Variants in DNMT1 observed in about 807,000 individuals in gnomAD.
DNMT1 encodes the protein DNA (cytosine-5)-methyltransferase 1.
Under a neutral mutation model 205.3 loss-of-function variants are expected in DNMT1, and 24 were observed. The ratio of observed to expected loss-of-function variants is 0.12; its 90% CI spans 0.08 to 0.16. The LOEUF is 0.16. Among genes scored for constraint, DNMT1 ranks in the 10% least tolerant of loss-of-function variants. DNMT1 has a pLI of 1.00. For synonymous variants in DNMT1, 817 were observed against 839.8 expected (o/e 0.97, Z 0.47); for missense variants, 1,293 against 2,177.7 (o/e 0.59, Z 8.09).
In DNMT1 at chr19:10,140,017, G is replaced by A; in HGVS notation, c.3806+29C>T. On this transcript the variant is annotated intron_variant, in intron 33 of 40. Coordinates refer to ENST00000359526, the MANE Select transcript of DNMT1 (RefSeq NM_001130823.3). This position sits in a 1 kb window ranked among gnomAD's most constrained non-coding sequence, Gnocchi z 8.4. ...ATGCGGCACAGCCCCGGGCCGTCTG[G>A]CAACACTGGGGGGCTTCTACCCGTT... is the stretch of plus-strand genomic sequence containing the variant. 1 of 1,604,128 alleles carries A rather than the reference G, an allele frequency of 6.2e-7. No individual in the cohort carries two copies. Among genetic ancestry groups the A allele is most frequent in the Non-Finnish European group, 8.5e-7 (1 of 1,179,986 alleles).
intron 6 of DNMT1, 65 bp from the exon 7 acceptor site, chr19:10,175,683 T>C: frequency 6.8e-7 from 1 of 1,464,782 alleles, no homozygotes. Flanking sequence ...TGGCCTGAAG[T>C]GGACCCTCAT....
In DNMT1 at chr19:10,143,909, T is replaced by C. The variant is rs2089650057; in HGVS notation, c.2973A>G (p.Lys991=). 1.2e-6 allele frequency: 2 copies of C among 1,614,042 alleles called. No homozygotes were observed. ...TGCTGCCTTTGATGTAGTCGGAGTA[T>C]TTCCGGTAGTGCTCTGGGTACAGGT... is the stretch of plus-strand genomic sequence containing the variant. The part of the protein sequence containing the change: ...DEDLYPEHYR[K]YSDYIKGSNL... The change falls in exon 29 of 41, where the codon AAA becomes AAG. Residue 991 remains lysine (K), a synonymous_variant. Transcript: ENST00000359526.
In DNMT1 at chr19:10,138,816, A is replaced by G. The variant is rs552582545; in HGVS notation, c.3949-211T>C. Among the ~76,000 whole-genome samples the G allele has an allele frequency of 1.3e-5, 2 of 152,356 alleles. No individual in the cohort carries two copies. Among genetic ancestry groups the G allele is most frequent in the East Asian group, 1.9e-4 (1 of 5,186 alleles). ...ACAAAAGCAGCTGAGCCCAGGGGAC[A>G]GCCACTGGGGAAGGTGGGAGCAAAC... On this transcript the variant is annotated intron_variant, in intron 34 of 40. Transcript: ENST00000359526. The surrounding 1 kb of genome is among the most constrained non-coding windows in gnomAD (Gnocchi z 4.1).
chr19:10,148,096 ACAAAAGCGAAACTCTGTCT>A (rs1233747407), intron 27 of DNMT1, among the ~76,000 whole-genome samples: 1 of 145,796 alleles, frequency 6.9e-6, no homozygotes, highest in African/African-American at 2.5e-5. Flanking sequence ...AGCCTGGGCA[ACAAAAGCGAAACTCTGTCT>A]CAAAAAAAAA....
intron 27 of DNMT1, among the ~76,000 whole-genome samples, chr19:10,147,192 G>A (rs1041583019): frequency 6.6e-6 from 1 of 152,132 alleles, no homozygotes; most frequent in African/African-American, 2.4e-5. Flanking sequence ...AGCCCAGCAG[G>A]TCGAGGCTAC....
intron 3 of DNMT1, 49 bp from the exon 4 acceptor site, chr19:10,180,618 C>CAGAA (rs779851615): frequency 6.3e-7 from 1 of 1,586,630 alleles, no homozygotes; most frequent in Non-Finnish European, 8.7e-7. Flanking sequence ...AAACAAGTGT[C>CAGAA]AGAGAACAAG....
At chr19:10,175,515 C>T (rs1476199963) in intron 7 of DNMT1, 25 bp downstream of exon 7, 1 of 1,613,508 alleles carries the variant, frequency 6.2e-7, no homozygotes, top group East Asian at 2.2e-5. Flanking sequence ...AAGGTAGAGT[C>T]AGGAAATGAA....
chr19:10,194,876 G>A lies in DNMT1; in HGVS notation c.24C>T (p.Ala8=). MPARTAP[A]RVPTLAVPAI... ...CCGGGACGGCCAGTGTGGGCACCCG[G>A]GCTGGGGCGGTACGCGCCGGCATCT... is the stretch of plus-strand genomic sequence containing the variant. The change falls in exon 1 of 41, where the codon GCC becomes GCT. Residue 8 remains alanine, a synonymous_variant. Transcript: ENST00000359526. 6.2e-7 allele frequency: 1 copy of A among 1,610,620 alleles called. No homozygotes were observed. Among genetic ancestry groups the A allele is most frequent in the Non-Finnish European group, 8.5e-7 (1 of 1,178,874 alleles).
intron 9 of DNMT1, among the ~76,000 whole-genome samples, chr19:10,171,057 C>T (rs111801529): frequency 0.11 from 16,817 of 152,048 alleles, 1,363 homozygotes; most frequent in East Asian, 0.4. Flanking sequence ...ATCCACCCAC[C>T]TCGGCCTCCC....
In DNMT1 at chr19:10,138,740, G is replaced by A. The variant is rs570801158; in HGVS notation, c.3949-135C>T. On this transcript the variant is annotated intron_variant, in intron 34 of 40. Coordinates refer to ENST00000359526, the MANE Select transcript of DNMT1 (RefSeq NM_001130823.3). The surrounding 1 kb of genome is among the most constrained non-coding windows in gnomAD (Gnocchi z 4.1). ...CGGAGTGCACTTGCAGAAATCCCCA[G>A]TTACCTCAGCAGGCGTGCTCCTGGT... is the stretch of plus-strand genomic sequence containing the variant. 46 of 1,184,722 alleles carry A rather than the reference G, an allele frequency of 3.9e-5. No individual in the cohort carries two copies. The Admixed American group carries it at 5.0e-4, about 13-fold the overall frequency. The allele number at this position is 1,184,722 out of a possible 1,614,324, so 73.4% of individuals were successfully genotyped here. A position where few individuals can be genotyped will look rare whatever the true frequency, so the allele number is the denominator to read the frequency against.
chr19:10,189,377 T>C (rs917352939), intron 1 of DNMT1, among the ~76,000 whole-genome samples: 1 of 151,638 alleles, frequency 6.6e-6, no homozygotes, highest in Non-Finnish European at 1.5e-5. Flanking sequence ...CACCTTGGCC[T>C]CCCAAAGTGC....
Position 10,151,802 on chromosome 19 carries a change from T to A in DNMT1, c.2065A>T (p.Met689Leu). The A allele has an allele frequency of 6.2e-7, 1 of 1,614,138 alleles. No individual in the cohort carries two copies. The highest frequency in any genetic ancestry group is 8.5e-7 in the Non-Finnish European group (1 of 1,180,018). ...CGTCCACTGCCACCAAATTTAACCA[T>A]GTCCTTGCAGGCTTTACATTTCCCA... Reference protein sequence around the residue: ...ECGKCKACKDMVKFGGSGRSK... With the variant: ...ECGKCKACKDLVKFGGSGRSK... The change falls in exon 23 of 41, where the codon ATG becomes TTG. Residue 689 changes from methionine to leucine, a missense_variant. Physicochemically the swap from Met to Leu is conservative, Grantham distance 15. This residue lies in a region of DNMT1 where 197 missense variants were observed against 353.6 expected (regional missense o/e 0.56). Transcript: ENST00000359526. This position sits in a 1 kb window ranked among gnomAD's most constrained non-coding sequence, Gnocchi z 5.0.
chr19:10,175,068 T>C (rs1483012156), intron 7 of DNMT1, among the ~76,000 whole-genome samples: 1 of 124,958 alleles, frequency 8.0e-6, no homozygotes, highest in Non-Finnish European at 1.6e-5. Context: ...AAAAGAAGTC[T>C]AAATACATAC....
rs1387235049 is a variant in DNMT1 at position 10,156,497 on chromosome 19, C to T, written c.1293G>A (p.Lys431=). Residue 431 remains lysine, a synonymous_variant, in exon 18 of 41, where the codon AAG becomes AAA. Coordinates refer to ENST00000359526, the MANE Select transcript of DNMT1 (RefSeq NM_001130823.3). This position sits in a 1 kb window ranked among gnomAD's most constrained non-coding sequence, Gnocchi z 4.2. ...HKLTCFSVYC[K]HGHLCPIDTG... ...TGTCGATGGGACACAGGTGACCGTG[C>T]TTACAGTACACACTAGACAGGAAAC... 3 of 1,613,050 alleles carry T rather than the reference C, an allele frequency of 1.9e-6. No individual in the cohort carries two copies. Among genetic ancestry groups the T allele is most frequent in the South Asian group, 2.2e-5 (2 of 91,078 alleles).
At position 10,133,751 on chromosome 19, in the gene DNMT1, A is replaced by T. The variant is rs1328010650; in HGVS notation, c.4865-50T>A. 1 of 1,551,868 alleles carries T rather than the reference A, an allele frequency of 6.4e-7. No individual in the cohort carries two copies. Among genetic ancestry groups the T allele is most frequent in the South Asian group, 1.2e-5 (1 of 84,632 alleles). ...CACTCTGGGGAACACGCCCGGTGTC[A>T]CGCCACTTGACAGGCGAGTAACAGA... On this transcript the variant is annotated intron_variant, in intron 40 of 40. Coordinates refer to ENST00000359526, the MANE Select transcript of DNMT1 (RefSeq NM_001130823.3). This position sits in a 1 kb window ranked among gnomAD's most constrained non-coding sequence, Gnocchi z 4.1.
chr19:10,185,319 G>A (rs2039157135), intron 1 of DNMT1, among the ~76,000 whole-genome samples: 1 of 151,964 alleles, frequency 6.6e-6, no homozygotes, highest in Non-Finnish European at 1.5e-5. Flanking sequence ...CAGCTACTCA[G>A]GAGGCTGAGG....
At chr19:10,145,827 T>TTTTTTTC (rs1454023552) in intron 28 of DNMT1, among the ~76,000 whole-genome samples, 4 of 152,066 alleles carry the variant, frequency 2.6e-5, no homozygotes, top group Non-Finnish European at 4.4e-5. Flanking sequence ...GTAAGTTCTT[T>TTTTTTTC]TTTTTTCTTT....
Position 10,136,377 on chromosome 19 carries a change from G to A in DNMT1, c.4490-90C>T, listed in dbSNP as rs950948655. 2.2e-5 allele frequency: 35 copies of A among 1,556,566 alleles called. No individual in the cohort carries two copies. The African/African-American group carries it at 4.3e-4, about 19-fold the overall frequency. ...CTTAGAGCTTTGGGAGGCAGAGATGGCACCTCCTGTGCAAGGGGCCCCCTG... is the reference window on the plus strand; with the variant it reads ...CTTAGAGCTTTGGGAGGCAGAGATGACACCTCCTGTGCAAGGGGCCCCCTG... On this transcript the variant is annotated intron_variant, in intron 37 of 40. Transcript: ENST00000359526.
chr19:10,184,000 G>A lies in DNMT1; in HGVS notation c.81-1923C>T, dbSNP rs533912831. 1.4e-4 allele frequency among the ~76,000 whole-genome samples: 21 copies of A among 152,362 alleles called. 1 individual carries two copies. In the East Asian group the frequency reaches 4.0e-3, roughly 29 times the overall value. On this transcript the variant is annotated intron_variant, in intron 1 of 40. Transcript: ENST00000359526. The stretch of plus-strand genomic sequence containing the variant: ...GCCTGGGAGGTCGAGGCCACAGTGA[G>A]CCGTGATTGCATCACTGCACTCCAA...
Sources: gnomAD v4.1 joint callset for allele counts (sites outside exome capture counted in the v4.1 genomes callset) on GRCh38, gnomAD v4.1.1 for gene constraint, gnomAD v4.1.1 regional missense constraint, Gnocchi (gnomAD v3.1) non-coding constraint, MANE v1.5 for transcripts, NCBI Gene and HGNC (gene_info 2026-07-23, HGNC 2026-07-21) for gene names.